The following OSBPL5 variants were observed in gnomAD, a reference collection of about 807,000 sequenced individuals.
OSBPL5 encodes oxysterol binding protein like 5.
In OSBPL5, 71 loss-of-function variants were observed where a neutral mutation model predicts 111.2. The observed-to-expected ratio is 0.64, with a 90% CI of 0.53 to 0.78. The LOEUF is 0.78. Ranked by LOEUF, OSBPL5 falls within the 30% of genes least tolerant of loss-of-function variation. The probability of loss-of-function intolerance (pLI) is 0.00; values close to 1 mark genes in which losing one functional copy is unlikely to be tolerated. For synonymous variants in OSBPL5, 549 were observed against 513.9 expected, an observed-to-expected ratio of 1.07 and a Z score of -0.93; for missense variants, 1,210 against 1,189.3, an observed-to-expected ratio of 1.02 and a Z score of -0.26.
chr11:3,158,493 T>C (rs372814773), intron 1 of OSBPL5, among the ~76,000 whole-genome samples: 8 of 152,302 alleles, frequency 5.3e-5, no homozygotes, highest in African/African-American at 1.9e-4. Context: ...GGGTGGAGAT[T>C]TGTGGGAAAG....
At position 3,126,195 on chromosome 11, in the gene OSBPL5, C is replaced by T. The variant is rs1410354076; in HGVS notation, c.219+278G>A. ...ATGTGACCTAGCAATTCCAATTACT[C>T]TAGGTTTATACCTGAGAGAACTGAA... On this transcript the variant is annotated intron_variant, in intron 3 of 21. Transcript: ENST00000263650. This position sits in a 1 kb window ranked among gnomAD's most constrained non-coding sequence, Gnocchi z 6.5. Among the ~76,000 whole-genome samples, 1 of 152,206 alleles carries T rather than the reference C, an allele frequency of 6.6e-6. No individual in the cohort carries two copies. The highest frequency in any genetic ancestry group is 2.4e-5 in the African/African-American group (1 of 41,448).
rs939960009 is a variant in OSBPL5 at position 3,089,877 on chromosome 11, A to G, written c.2470T>C (p.Ser824Pro). 6.4e-6 allele frequency: 10 copies of G among 1,564,716 alleles called. No individual in the cohort carries two copies. In the African/African-American group the frequency reaches 1.1e-4, roughly 17 times the overall value. Residue 824 changes from serine (S) to proline (P), a missense_variant, in exon 21 of 22, where the codon TCC (serine) becomes CCC (proline). Transcript: ENST00000263650. The stretch of plus-strand genomic sequence containing the variant: ...AGCTCCTGCTGGGCCTCTCGGATGG[A>G]GAGGATGGCCTCGTGCAGGGCCTGC... ...RLQALHEAIL[S>P]IREAQQELHR...
rs1244780887 is a variant in OSBPL5 at position 3,088,098 on chromosome 11, A to G, written c.*107T>C. On this transcript the variant is annotated 3_prime_UTR_variant, in exon 22 of 22. Transcript: ENST00000263650. ...CTCCTGCGCCTGGACTCCCCGTCAC[A>G]GTGGCTGTGCTTGCCGGGCCTCTCT... The G allele has an allele frequency of 1.8e-6, 2 of 1,123,362 alleles. No individual in the cohort carries two copies. Among genetic ancestry groups the G allele is most frequent in the African/African-American group, 3.2e-5 (2 of 62,606 alleles). 69.6% of individuals were successfully genotyped at this position (1,123,362 alleles called of 1,614,324 possible). A position where few individuals can be genotyped will look rare whatever the true frequency, so the allele number is the denominator to read the frequency against.
Position 3,120,643 on chromosome 11 carries a change from C to A in OSBPL5, c.403-19G>T. The A allele has an allele frequency of 1.9e-6, 3 of 1,608,866 alleles. No individual in the cohort carries two copies. Among genetic ancestry groups the A allele is most frequent in the Non-Finnish European group, 2.5e-6 (3 of 1,178,696 alleles). On this transcript the variant is annotated intron_variant, in intron 5 of 21. Coordinates refer to ENST00000263650, the MANE Select transcript of OSBPL5 (RefSeq NM_020896.4). ...CGCGGATCTGCAGGGAGGATGCTGGCGTCGATGCCCACCCTCTGGGGCCGC... is the reference window on the plus strand; with the variant it reads ...CGCGGATCTGCAGGGAGGATGCTGGAGTCGATGCCCACCCTCTGGGGCCGC...
chr11:3,107,518 G>A lies in OSBPL5; in HGVS notation c.867-63C>T. On this transcript the variant is annotated intron_variant, in intron 8 of 21. Coordinates refer to ENST00000263650, the MANE Select transcript of OSBPL5 (RefSeq NM_020896.4). This position sits in a 1 kb window ranked among gnomAD's most constrained non-coding sequence, Gnocchi z 6.1. ...GTGAGAGCCCAGCACAGCCCTCTGG[G>A]CTGCCCACCCCTCGCTGCTCCGCAC... 1.3e-6 allele frequency: 2 copies of A among 1,568,690 alleles called. No individual in the cohort carries two copies. Among genetic ancestry groups the A allele is most frequent in the Middle Eastern group, 1.7e-4 (1 of 5,888 alleles).
Position 3,126,786 on chromosome 11 carries a change from T to C in OSBPL5, c.137-231A>G, listed in dbSNP as rs1858643830. On this transcript the variant is annotated intron_variant, in intron 2 of 21. Coordinates refer to ENST00000263650, the MANE Select transcript of OSBPL5 (RefSeq NM_020896.4). The surrounding 1 kb of genome is among the most constrained non-coding windows in gnomAD (Gnocchi z 6.5). ...GAGAACTGGCAGGGCCTCCAGGACC[T>C]ACAGGGAGGAAGCTGGGACAGGAGC... is the stretch of plus-strand genomic sequence containing the variant. 4.6e-6 allele frequency: 2 copies of C among 438,368 alleles called. No homozygotes were observed. The highest frequency in any genetic ancestry group is 3.3e-5 in the South Asian group (1 of 30,470). The allele number at this position is 438,368 out of a possible 1,614,324, so 27.2% of individuals were successfully genotyped here. A position where few individuals can be genotyped will look rare whatever the true frequency, so the allele number is the denominator to read the frequency against.
rs967089894 is a variant in OSBPL5, at chr11:3,104,943, G to A, written c.1060-566C>T. Among the ~76,000 whole-genome samples the A allele has an allele frequency of 2.0e-5, 3 of 152,158 alleles. No homozygotes were observed. Among genetic ancestry groups the A allele is most frequent in the Non-Finnish European group, 2.9e-5 (2 of 68,016 alleles). ...GAGCCTGCTCCTGCAAAACCGACAC[G>A]GGCATGTGAACTCACCCCTCACTTC... On this transcript the variant is annotated intron_variant, in intron 9 of 21. Coordinates refer to ENST00000263650, the MANE Select transcript of OSBPL5 (RefSeq NM_020896.4). This position sits in a 1 kb window ranked among gnomAD's most constrained non-coding sequence, Gnocchi z 5.0.
At chr11:3,095,196 G>A (rs561029626) in intron 14 of OSBPL5, among the ~76,000 whole-genome samples, 6 of 151,462 alleles carry the variant, frequency 4.0e-5, no homozygotes, top group African/African-American at 4.9e-5. Flanking sequence ...CAGCTCTGAT[G>A]GGGGGAGGTC....
chr11:3,107,075 C>A lies in OSBPL5; in HGVS notation c.1059+188G>T, dbSNP rs2134423419. On this transcript the variant is annotated intron_variant, in intron 9 of 21. Coordinates refer to ENST00000263650, the MANE Select transcript of OSBPL5 (RefSeq NM_020896.4). This position sits in a 1 kb window ranked among gnomAD's most constrained non-coding sequence, Gnocchi z 6.1. The stretch of plus-strand genomic sequence containing the variant: ...AGCCAGCCAGCCAGCGGGGCAGCCT[C>A]TTTGGAAGACGGGAGGAGCCTGTTT... Among the ~76,000 whole-genome samples, 1 of 152,330 alleles carries A rather than the reference C, an allele frequency of 6.6e-6. No homozygotes were observed. The highest frequency in any genetic ancestry group is 1.5e-5 in the Non-Finnish European group (1 of 68,022).
At chr11:3,101,573 C>G (rs114586944) in intron 13 of OSBPL5, 30 bp downstream of exon 13, 8 of 1,591,996 alleles carry the variant, frequency 5.0e-6, no homozygotes, top group Non-Finnish European at 6.9e-6. Context: ...TCCCTGAGGC[C>G]CCAGGGAGCG....
At chr11:3,127,282 G>A (rs369493386) in intron 2 of OSBPL5, among the ~76,000 whole-genome samples, 3 of 152,228 alleles carry the variant, frequency 2.0e-5, no homozygotes, top group Non-Finnish European at 4.4e-5. Flanking sequence ...ACTGAGACTC[G>A]GAGGGGCTGG....
At position 3,159,139 on chromosome 11, in the gene OSBPL5, C is replaced by T. The variant is rs1163550462; in HGVS notation, c.-22+6077G>A. Among the ~76,000 whole-genome samples, 4 of 152,080 alleles carry T rather than the reference C, an allele frequency of 2.6e-5. No individual in the cohort carries two copies. The East Asian group carries it at 5.8e-4, about 22-fold the overall frequency. ...AGGGACAGCAGGTTGAGGGCACAGG[C>T]GAGAGTGTGCACGCACCCTGAGGCC... On this transcript the variant is annotated intron_variant, in intron 1 of 21. Coordinates refer to ENST00000263650, the MANE Select transcript of OSBPL5 (RefSeq NM_020896.4).
At chr11:3,131,965 CCATCCATCCA>C in intron 1 of OSBPL5, among the ~76,000 whole-genome samples, 1 of 113,630 alleles carries the variant, frequency 8.8e-6, no homozygotes. Context: ...ATCCATCCAT[CCATCCATCCA>C]CCCACCCATC....
intron 1 of OSBPL5, among the ~76,000 whole-genome samples, chr11:3,145,209 G>A (rs753489502): frequency 1.6e-4 from 24 of 152,196 alleles, no homozygotes; most frequent in African/African-American, 5.5e-4. Context: ...GCCTCCCATC[G>A]CCTGTGGCAG....
At position 3,091,909 on chromosome 11, in the gene OSBPL5, G is replaced by A. The variant is rs910774343; in HGVS notation, c.2259+523C>T. ...ACGCAGTAGGTGCACGGCTGGGGCG[G>A]TGCAGCTCAGCACACCTGGAACGGG... On this transcript the variant is annotated intron_variant, in intron 19 of 21. Coordinates refer to ENST00000263650, the MANE Select transcript of OSBPL5 (RefSeq NM_020896.4). Among the ~76,000 whole-genome samples the A allele has an allele frequency of 2.8e-4, 42 of 152,186 alleles. 1 individual carries two copies. Among genetic ancestry groups the A allele is most frequent in the Admixed American group, 3.9e-4 (6 of 15,286 alleles).
In OSBPL5 at chr11:3,151,633, A is replaced by T. The variant is rs558567321; in HGVS notation, c.-22+13583T>A. On this transcript the variant is annotated intron_variant, in intron 1 of 21. Transcript: ENST00000263650. Reference sequence around the variant, plus strand: ...ACCTTTATTTCCCCCACGGCACAAAAAAACGGTTCTTACACCCCTCTGGGA... The same window carrying T: ...ACCTTTATTTCCCCCACGGCACAAATAAACGGTTCTTACACCCCTCTGGGA... Among the ~76,000 whole-genome samples the T allele has an allele frequency of 5.9e-5, 9 of 152,342 alleles. No individual in the cohort carries two copies. In the East Asian group the frequency reaches 1.7e-3, roughly 29 times the overall value.
At position 3,154,901 on chromosome 11, in the gene OSBPL5, A is replaced by G. The variant is rs1200675106; in HGVS notation, c.-22+10315T>C. On this transcript the variant is annotated intron_variant, in intron 1 of 21. Transcript: ENST00000263650. This position sits in a 1 kb window ranked among gnomAD's most constrained non-coding sequence, Gnocchi z 4.9. The stretch of plus-strand genomic sequence containing the variant: ...TGCACGTTGTGCACATGTACCCTAG[A>G]ACTTAAAGTATAATAATAATAATAA... Among the ~76,000 whole-genome samples the G allele has an allele frequency of 2.7e-5, 4 of 147,746 alleles. No homozygotes were observed. The highest frequency in any genetic ancestry group is 6.0e-5 in the Non-Finnish European group (4 of 67,066).
In OSBPL5 at chr11:3,092,304, G is replaced by T. The variant is rs1368177269; in HGVS notation, c.2259+128C>A. On this transcript the variant is annotated intron_variant, in intron 19 of 21. Coordinates refer to ENST00000263650, the MANE Select transcript of OSBPL5 (RefSeq NM_020896.4). The surrounding 1 kb of genome is among the most constrained non-coding windows in gnomAD (Gnocchi z 5.4). The stretch of plus-strand genomic sequence containing the variant: ...CGGCAGAGAAGGAAAGGGGACGAGG[G>T]GGCTGGGGGATGAGGGCGTGAGGGA... 2 of 1,289,618 alleles carry T rather than the reference G, an allele frequency of 1.6e-6. No individual in the cohort carries two copies. Among genetic ancestry groups the T allele is most frequent in the African/African-American group, 3.0e-5 (2 of 66,758 alleles). 79.9% of individuals were successfully genotyped at this position (1,289,618 alleles called of 1,614,324 possible). A position where few individuals can be genotyped will look rare whatever the true frequency, so the allele number is the denominator to read the frequency against.
At chr11:3,112,025 A>ATGTGTATG (rs1564837303) in intron 7 of OSBPL5, among the ~76,000 whole-genome samples, 1 of 131,930 alleles carries the variant, frequency 7.6e-6, no homozygotes, top group African/African-American at 2.8e-5. Flanking sequence ...ATGTGTGTGC[A>ATGTGTATG]TGTGTGTGTA....
Sources: gnomAD v4.1 joint callset for allele counts (sites outside exome capture counted in the v4.1 genomes callset) on GRCh38, gnomAD v4.1.1 for gene constraint, Gnocchi (gnomAD v3.1) non-coding constraint, MANE v1.5 for transcripts, NCBI Gene and HGNC (gene_info 2026-07-23, HGNC 2026-07-21) for gene names.